VPS13B: variants seen among roughly 807,000 people sequenced by gnomAD.
VPS13B encodes vacuolar protein sorting 13 homolog B.
VPS13B carries 285 observed loss-of-function variants against 426.4 expected under a neutral mutation model. That is an observed-to-expected ratio of 0.67 (90% CI 0.61 to 0.74). The LOEUF is 0.74. Ranked by LOEUF, VPS13B falls within the 30% of genes least tolerant of loss-of-function variation. VPS13B has a pLI of 0.00. For synonymous variants in VPS13B, 1,676 were observed against 1,676.4 expected (o/e 1.00, Z 0.01); for missense variants, 4,537 against 4,782.6 (o/e 0.95, Z 1.51).
intron 43 of VPS13B, 21 bp downstream of exon 43, chr8:99,784,497 C>G (rs1207912180): frequency 1.2e-6 from 2 of 1,613,274 alleles, no homozygotes; most frequent in Non-Finnish European, 1.7e-6. Flanking sequence ...AACACCCTTA[C>G]AAACAGCCAT....
chr8:99,595,011 G>T (rs1826927530), intron 33 of VPS13B, among the ~76,000 whole-genome samples: 1 of 151,948 alleles, frequency 6.6e-6, no homozygotes, highest in Non-Finnish European at 1.5e-5. Context: ...TGTTAAAGCT[G>T]CATTGAAAGA....
chr8:99,166,804 C>G (rs1294082016), intron 15 of VPS13B, among the ~76,000 whole-genome samples: 2 of 152,132 alleles, frequency 1.3e-5, no homozygotes, highest in African/African-American at 4.8e-5. Context: ...CTTACTGATT[C>G]CAGAAGCTAC....
chr8:99,228,505 T>C (rs1432358248), intron 17 of VPS13B, among the ~76,000 whole-genome samples: 1 of 152,190 alleles, frequency 6.6e-6, no homozygotes, highest in East Asian at 1.9e-4. Flanking sequence ...ATGAAAATAA[T>C]TTTATTCACT....
intron 44 of VPS13B, among the ~76,000 whole-genome samples, chr8:99,812,909 TAC>T (rs1297692383): frequency 2.6e-5 from 4 of 152,182 alleles, no homozygotes; most frequent in African/African-American, 9.7e-5. Context: ...AAATCTTCAA[TAC>T]ACATCTTTGT....
At chr8:99,313,441 C>G (rs572662843) in intron 19 of VPS13B, among the ~76,000 whole-genome samples, 4 of 152,118 alleles carry the variant, frequency 2.6e-5, no homozygotes. Context: ...CACTCCAGAC[C>G]CTGTTTGCCT....
intron 17 of VPS13B, among the ~76,000 whole-genome samples, chr8:99,211,602 C>T (rs931427683): frequency 2.6e-5 from 4 of 152,034 alleles, no homozygotes; most frequent in Non-Finnish European, 4.4e-5. Flanking sequence ...CTACTGGAAA[C>T]CCCGTTTCTA....
At chr8:99,505,427 TG>T (rs1408375750) in intron 27 of VPS13B, among the ~76,000 whole-genome samples, 1 of 152,144 alleles carries the variant, frequency 6.6e-6, no homozygotes, top group Admixed American at 6.6e-5. Context: ...TAGGGGCCAT[TG>T]TAGGGTTATT....
chr8:99,063,103 C>T (rs868318472), intron 3 of VPS13B, among the ~76,000 whole-genome samples: 2 of 152,142 alleles, frequency 1.3e-5, no homozygotes, highest in African/African-American at 4.8e-5. Flanking sequence ...ATTGACTCTT[C>T]CAAGATGGCC....
At position 99,816,109 on chromosome 8, in the gene VPS13B, T is replaced by TC. The variant is rs549527616; in HGVS notation, c.8098-1431_8098-1430insC. 3.9e-3 allele frequency among the ~76,000 whole-genome samples: 397 copies of TC among 102,444 alleles called. 6 individuals are homozygous for TC. Among genetic ancestry groups the TC allele is most frequent in the African/African-American group, 0.014 (359 of 25,244 alleles). The allele number at this position is 102,444 out of a possible 152,430, so 67.2% of individuals were successfully genotyped here. A position where few individuals can be genotyped will look rare whatever the true frequency, so the allele number is the denominator to read the frequency against. On this transcript the variant is annotated intron_variant, in intron 44 of 61. Transcript: ENST00000357162. The stretch of plus-strand genomic sequence containing the variant: ...CATTTGTTTTCTCTCTCTCTCTCTC[T>TC]TTTTTTTTTTTAGACGGAGTTTTAC...
intron 16 of VPS13B, among the ~76,000 whole-genome samples, chr8:99,176,146 T>TG (rs1812619379): frequency 6.6e-6 from 1 of 152,152 alleles, no homozygotes. Flanking sequence ...ACTTTTGTTT[T>TG]TTTTTTTTGA....
At chr8:99,488,606 G>A (rs1257355670) in intron 25 of VPS13B, among the ~76,000 whole-genome samples, 1 of 152,022 alleles carries the variant, frequency 6.6e-6, no homozygotes, top group Non-Finnish European at 1.5e-5. Flanking sequence ...ATTGTCAGAC[G>A]GATACTTTAG....
At chr8:99,812,665 A>G (rs1353707108) in intron 44 of VPS13B, among the ~76,000 whole-genome samples, 2 of 152,222 alleles carry the variant, frequency 1.3e-5, no homozygotes, top group Non-Finnish European at 2.9e-5. Context: ...CTATGTACAC[A>G]CATTTGCTTC....
chr8:99,222,128 C>T (rs1485532464), intron 17 of VPS13B, among the ~76,000 whole-genome samples: 1 of 151,976 alleles, frequency 6.6e-6, no homozygotes, highest in African/African-American at 2.4e-5. Flanking sequence ...ACCTGTAGGC[C>T]GTAAATGTAG....
chr8:99,342,588 A>T, intron 19 of VPS13B, among the ~76,000 whole-genome samples: 1 of 152,158 alleles, frequency 6.6e-6, no homozygotes. Flanking sequence ...TTACTTTTTA[A>T]GGCTGAATAG....
At chr8:99,857,540 A>C (rs1266536196) in intron 56 of VPS13B, among the ~76,000 whole-genome samples, 1 of 152,152 alleles carries the variant, frequency 6.6e-6, no homozygotes, top group Non-Finnish European at 1.5e-5. Context: ...GCCTGAGCTC[A>C]CAGAAGAAAG....
At chr8:99,349,922 T>C (rs1262140537) in intron 19 of VPS13B, among the ~76,000 whole-genome samples, 1 of 152,172 alleles carries the variant, frequency 6.6e-6, no homozygotes, top group Non-Finnish European at 1.5e-5. Context: ...AAATATCTGA[T>C]ACTTAACCAT....
chr8:99,295,730 C>G (rs1819998690), intron 19 of VPS13B, among the ~76,000 whole-genome samples: 1 of 152,108 alleles, frequency 6.6e-6, no homozygotes, highest in Non-Finnish European at 1.5e-5. Context: ...AGATCAAAAT[C>G]AAAATTTGAA....
At chr8:99,862,802 T>G (rs1356225656) in intron 58 of VPS13B, among the ~76,000 whole-genome samples, 2 of 152,202 alleles carry the variant, frequency 1.3e-5, no homozygotes, top group African/African-American at 2.4e-5. Context: ...TGCAGCTAGC[T>G]GAGGCTCTGG....
chr8:99,222,245 A>G (rs1815765107), intron 17 of VPS13B, among the ~76,000 whole-genome samples: 2 of 152,368 alleles, frequency 1.3e-5, no homozygotes, highest in Middle Eastern at 3.4e-3. Context: ...ATCCACTAGC[A>G]TAGTCAGGAC....
Sources: allele counts gnomAD v4.1 joint callset (sites outside exome capture counted in the v4.1 genomes callset), GRCh38; gene constraint gnomAD v4.1.1; transcripts MANE v1.5; gene names NCBI Gene and HGNC (gene_info 2026-07-23, HGNC 2026-07-21).